The following SLC35F1 variants were observed in gnomAD, a reference collection of about 807,000 sequenced individuals.
SLC35F1 encodes the protein chromosome 6 open reading frame 169.
In SLC35F1, 14 loss-of-function variants were observed where a neutral mutation model predicts 48.7. That is an observed-to-expected ratio of 0.29 (90% CI 0.19 to 0.45). SLC35F1 has a LOEUF of 0.45. Ranked by LOEUF, SLC35F1 falls within the 20% of genes least tolerant of loss-of-function variation. The probability of loss-of-function intolerance (pLI) is 1.00; values close to 1 mark genes in which losing one functional copy is unlikely to be tolerated. For synonymous variants in SLC35F1, 190 were observed against 202.2 expected, an observed-to-expected ratio of 0.94 and a Z score of 0.51; for missense variants, 404 against 500.0, an observed-to-expected ratio of 0.81 and a Z score of 1.83.
Position 118,314,086 on chromosome 6 carries a change from C to T in SLC35F1, c.1061C>T (p.Ser354Phe), listed in dbSNP as rs1406674186. 9 of 1,614,200 alleles carry T rather than the reference C, an allele frequency of 5.6e-6. No individual in the cohort carries two copies. Among genetic ancestry groups the T allele is most frequent in the South Asian group, 1.1e-5 (1 of 91,084 alleles). The change falls in exon 8 of 8, where the codon TCC becomes TTC. Residue 354 changes from serine to phenylalanine, a missense_variant. By Grantham distance (155) the Ser-to-Phe change is radical (BLOSUM62 -2). This residue lies in a region of SLC35F1 where 306 missense variants were observed against 419.1 expected (regional missense o/e 0.73). Coordinates refer to ENST00000360388, the MANE Select transcript of SLC35F1 (RefSeq NM_001029858.4). ...FTILIGLVLYSSTSTYIAQDP... is the reference protein window; with the variant it reads ...FTILIGLVLYFSTSTYIAQDP... ...ATCCTCATTGGGCTGGTGCTCTACT[C>T]CTCCACCTCCACCTACATAGCCCAG...
chr6:117,938,417 T>C (rs189468963), intron 1 of SLC35F1, among the ~76,000 whole-genome samples: 3 of 152,358 alleles, frequency 2.0e-5, no homozygotes, highest in African/African-American at 7.2e-5. Flanking sequence ...CAGAAGCTTA[T>C]CTCTTCTGGC....
chr6:117,947,634 G>A (rs1776311384), intron 1 of SLC35F1, among the ~76,000 whole-genome samples: 1 of 152,160 alleles, frequency 6.6e-6, no homozygotes, highest in South Asian at 2.1e-4. Context: ...GAGCCATCAG[G>A]ATTTCTGTAC....
At chr6:118,202,609 G>A (rs1774886232) in intron 2 of SLC35F1, among the ~76,000 whole-genome samples, 1 of 152,224 alleles carries the variant, frequency 6.6e-6, no homozygotes, top group Admixed American at 6.5e-5. Context: ...AGTTCATTGA[G>A]TGCTAACAAT....
At chr6:118,056,070 A>T (rs1279841941) in intron 1 of SLC35F1, among the ~76,000 whole-genome samples, 1 of 152,202 alleles carries the variant, frequency 6.6e-6, no homozygotes, top group Non-Finnish European at 1.5e-5. Context: ...TAAAACTGGA[A>T]ATAGTCAATC....
At chr6:118,178,607 G>C (rs1366090475) in intron 2 of SLC35F1, among the ~76,000 whole-genome samples, 1 of 152,042 alleles carries the variant, frequency 6.6e-6, no homozygotes, top group African/African-American at 2.4e-5. Flanking sequence ...ACAAAACCAT[G>C]GATGTGGAGA....
intron 7 of SLC35F1, among the ~76,000 whole-genome samples, chr6:118,292,750 G>A (rs548291501): frequency 7.4e-5 from 11 of 149,234 alleles, no homozygotes; most frequent in African/African-American, 2.5e-4. Context: ...CCATCATTCC[G>A]CTGTCTGCAA....
At chr6:118,172,177 G>A (rs1195757861) in intron 2 of SLC35F1, among the ~76,000 whole-genome samples, 1 of 151,906 alleles carries the variant, frequency 6.6e-6, no homozygotes, top group Non-Finnish European at 1.5e-5. Flanking sequence ...AAAAAAAGAC[G>A]ATTCTTTTTG....
chr6:117,922,344 A>G (rs1775910495), intron 1 of SLC35F1, among the ~76,000 whole-genome samples: 1 of 152,198 alleles, frequency 6.6e-6, no homozygotes, highest in African/African-American at 2.4e-5. Context: ...GTTAGATATT[A>G]ATTTGTGTTA....
chr6:118,127,620 A>T (rs1320972463), intron 1 of SLC35F1, among the ~76,000 whole-genome samples: 1 of 152,042 alleles, frequency 6.6e-6, no homozygotes, highest in Non-Finnish European at 1.5e-5. Flanking sequence ...TAGAAAGCTG[A>T]AACTGGATCC....
At chr6:117,980,624 T>A (rs1399342162) in intron 1 of SLC35F1, among the ~76,000 whole-genome samples, 2 of 152,222 alleles carry the variant, frequency 1.3e-5, no homozygotes, top group African/African-American at 4.8e-5. Context: ...ATAAGGTCTC[T>A]GACTTTAGGG....
At chr6:118,241,601 G>C (rs895809863) in intron 3 of SLC35F1, among the ~76,000 whole-genome samples, 1 of 151,870 alleles carries the variant, frequency 6.6e-6, no homozygotes, top group Non-Finnish European at 1.5e-5. Context: ...GTGTGTGTGT[G>C]TGTGTGTCTG....
At chr6:118,009,925 T>C (rs1777223099) in intron 1 of SLC35F1, among the ~76,000 whole-genome samples, 1 of 152,292 alleles carries the variant, frequency 6.6e-6, no homozygotes, top group Non-Finnish European at 1.5e-5. Context: ...AGAAGTTTCG[T>C]TGTTAGCTTA....
intron 1 of SLC35F1, chr6:117,999,452 T>C (rs1777053949): frequency 1.3e-6 from 2 of 1,576,176 alleles, no homozygotes; most frequent in African/African-American, 2.7e-5. Context: ...AGAGTAGATA[T>C]CTCTGCCAAC....
chr6:117,941,540 G>T (rs1414586753), intron 1 of SLC35F1, among the ~76,000 whole-genome samples: 1 of 152,144 alleles, frequency 6.6e-6, no homozygotes, highest in African/African-American at 2.4e-5. Context: ...GAATCATAGA[G>T]GTGTCAGGGA....
chr6:118,265,107 A>C (rs1000529414), intron 3 of SLC35F1, among the ~76,000 whole-genome samples: 1 of 152,216 alleles, frequency 6.6e-6, no homozygotes, highest in Non-Finnish European at 1.5e-5. Context: ...TTCATTTTGC[A>C]GAGGAGAAGA....
chr6:118,278,996 T>C (rs1182801212), intron 6 of SLC35F1, among the ~76,000 whole-genome samples: 1 of 152,154 alleles, frequency 6.6e-6, no homozygotes, highest in Non-Finnish European at 1.5e-5. Context: ...CAGTCCCCTA[T>C]AGTTGAAGAT....
chr6:117,924,067 GTA>G, intron 1 of SLC35F1, among the ~76,000 whole-genome samples: 1 of 147,654 alleles, frequency 6.8e-6, no homozygotes, highest in African/African-American at 2.5e-5. Flanking sequence ...ACACACATAG[GTA>G]CACATGCATA....
chr6:118,068,792 GGTGTTGA>G (rs1435192311), intron 1 of SLC35F1, among the ~76,000 whole-genome samples: 1 of 152,134 alleles, frequency 6.6e-6, no homozygotes, highest in Non-Finnish European at 1.5e-5. Flanking sequence ...TTGTGAGGTT[GGTGTTGA>G]TTGCAGACAT....
chr6:118,275,245 A>C (rs1775906286), intron 4 of SLC35F1, among the ~76,000 whole-genome samples: 1 of 152,170 alleles, frequency 6.6e-6, no homozygotes, highest in Non-Finnish European at 1.5e-5. Flanking sequence ...TTTCTTAGAG[A>C]AGACTTCTAA....
Sources: gnomAD v4.1 joint callset for allele counts (sites outside exome capture counted in the v4.1 genomes callset) on GRCh38, gnomAD v4.1.1 for gene constraint, gnomAD v4.1.1 regional missense constraint, MANE v1.5 for transcripts, NCBI Gene and HGNC (gene_info 2026-07-23, HGNC 2026-07-21) for gene names.